Variants in ELMO1 observed in about 807,000 individuals in gnomAD.
ELMO1 encodes engulfment and cell motility 1, also known as engulfment and cell motility protein 1.
In ELMO1, 26 loss-of-function variants were observed where a neutral mutation model predicts 98.9. The observed-to-expected ratio is 0.26, with a 90% CI of 0.19 to 0.36. The LOEUF is 0.36. ELMO1 is among the 10% of genes least tolerant of loss of function. The pLI, the probability that ELMO1 is intolerant of heterozygous loss-of-function variation, is 1.00. For missense variants in ELMO1, 627 were observed against 935.2 expected (o/e 0.67, Z 4.30); for synonymous variants, 346 against 346.0 (o/e 1.00, Z 0.00).
At chr7:37,065,118 C>T (rs903182114) in intron 15 of ELMO1, among the ~76,000 whole-genome samples, 1 of 152,062 alleles carries the variant, frequency 6.6e-6, no homozygotes, top group Non-Finnish European at 1.5e-5. Context: ...TTCTAACACA[C>T]ACCTCCACCT....
chr7:37,410,949 G>C (rs1230712801), intron 1 of ELMO1, among the ~76,000 whole-genome samples: 1 of 152,212 alleles, frequency 6.6e-6, no homozygotes, highest in African/African-American at 2.4e-5. Context: ...TCAGGATAGA[G>C]GAGGAAGAGA....
At chr7:37,021,965 C>T (rs1026465110) in intron 15 of ELMO1, among the ~76,000 whole-genome samples, 1 of 152,056 alleles carries the variant, frequency 6.6e-6, no homozygotes, top group African/African-American at 2.4e-5. Flanking sequence ...TCCAGAGACC[C>T]ATATATACAG....
At chr7:37,389,519 C>T (rs1277153581) in intron 1 of ELMO1, among the ~76,000 whole-genome samples, 1 of 152,166 alleles carries the variant, frequency 6.6e-6, no homozygotes, top group African/African-American at 2.4e-5. Context: ...ATGAAGTTGT[C>T]ACCTGAAATG....
intron 15 of ELMO1, among the ~76,000 whole-genome samples, chr7:37,092,405 G>A (rs1438323781): frequency 9.4e-6 from 1 of 106,558 alleles, no homozygotes; most frequent in Non-Finnish European, 1.8e-5. Flanking sequence ...TGGAGACAGA[G>A]TCTCGCTCTG....
At chr7:37,385,236 C>T (rs1238615366) in intron 1 of ELMO1, among the ~76,000 whole-genome samples, 1 of 152,340 alleles carries the variant, frequency 6.6e-6, no homozygotes, top group South Asian at 2.1e-4. Flanking sequence ...TCAAAACCTT[C>T]GAAGGCACCC....
chr7:37,152,836 T>C (rs902653909), intron 13 of ELMO1, among the ~76,000 whole-genome samples: 5 of 152,272 alleles, frequency 3.3e-5, no homozygotes, highest in African/African-American at 9.6e-5. Flanking sequence ...GATGTGAGCA[T>C]GTTCATGATG....
intron 16 of ELMO1, among the ~76,000 whole-genome samples, chr7:36,908,716 C>A (rs575152254): frequency 1.3e-5 from 2 of 152,148 alleles, no homozygotes; most frequent in Non-Finnish European, 2.9e-5. Flanking sequence ...TGGACCTTAC[C>A]ATGTATCTCA....
chr7:37,025,895 T>TTCTATCTATCTACCTA (rs1554395453), intron 15 of ELMO1, among the ~76,000 whole-genome samples: 5 of 142,920 alleles, frequency 3.5e-5, no homozygotes, highest in African/African-American at 1.3e-4. Context: ...ATATTATATA[T>TTCTATCTATCTACCTA]TCTATCTATC....
At chr7:37,420,143 C>G (rs1205780083) in intron 1 of ELMO1, among the ~76,000 whole-genome samples, 2 of 152,172 alleles carry the variant, frequency 1.3e-5, no homozygotes, top group Non-Finnish European at 2.9e-5. Context: ...CTTGTGCTCT[C>G]AGTACCAATA....
intron 4 of ELMO1, among the ~76,000 whole-genome samples, chr7:37,293,310 G>A (rs1797849751): frequency 7.7e-6 from 1 of 130,076 alleles, no homozygotes; most frequent in African/African-American, 2.6e-5. Flanking sequence ...TGAGAAATCG[G>A]GTGGTTGCCG....
intron 16 of ELMO1, among the ~76,000 whole-genome samples, chr7:36,989,473 C>A (rs986034909): frequency 9.2e-5 from 14 of 152,178 alleles, no homozygotes; most frequent in African/African-American, 3.1e-4. Context: ...CTTACGCACA[C>A]CACAGTTTAG....
rs1187213769 is a variant in ELMO1, at chr7:37,293,077, C to T, written c.193-21195G>A. ...CAGCCCCCTGCCCGGCCAGCCGCCCCGTCCGGGAGGGAGGTGGGGGGGGGT... is the reference window on the plus strand; with the variant it reads ...CAGCCCCCTGCCCGGCCAGCCGCCCTGTCCGGGAGGGAGGTGGGGGGGGGT... On this transcript the variant is annotated intron_variant, in intron 4 of 21. Coordinates refer to ENST00000310758, the MANE Select transcript of ELMO1 (RefSeq NM_014800.11). Among the ~76,000 whole-genome samples the T allele has an allele frequency of 8.7e-5, 2 of 22,926 alleles. 1 individual carries two copies. The highest frequency in any genetic ancestry group is 1.5e-4 in the African/African-American group (2 of 13,514). The allele number at this position is 22,926 out of a possible 152,430, so 15.0% of individuals were successfully genotyped here. A position where few individuals can be genotyped will look rare whatever the true frequency, so the allele number is the denominator to read the frequency against.
At chr7:36,877,959 G>GA (rs780766266) in intron 19 of ELMO1, 51 bp downstream of exon 19, 1 of 1,418,312 alleles carries the variant, frequency 7.1e-7, no homozygotes, top group African/African-American at 1.4e-5. Context: ...TTGTGACTAG[G>GA]AAACAACCAA....
chr7:37,098,704 T>G (rs962234565), intron 14 of ELMO1, among the ~76,000 whole-genome samples: 3 of 152,164 alleles, frequency 2.0e-5, no homozygotes, highest in African/African-American at 7.2e-5. Context: ...AACCAGAAAT[T>G]CCCATTCCAG....
At chr7:36,915,310 T>C (rs1268833026) in intron 16 of ELMO1, among the ~76,000 whole-genome samples, 1 of 152,254 alleles carries the variant, frequency 6.6e-6, no homozygotes, top group African/African-American at 2.4e-5. Flanking sequence ...GTAATTTTTC[T>C]GTCTTGCTCA....
intron 13 of ELMO1, among the ~76,000 whole-genome samples, chr7:37,161,599 T>G (rs76507371): frequency 8.0e-4 from 121 of 152,180 alleles, no homozygotes; most frequent in African/African-American, 2.9e-3. Flanking sequence ...ACAGCCTTTC[T>G]TGTTTTCCAC....
At chr7:37,149,814 T>C (rs576265875) in intron 13 of ELMO1, among the ~76,000 whole-genome samples, 4 of 152,320 alleles carry the variant, frequency 2.6e-5, no homozygotes, top group African/African-American at 9.6e-5. Flanking sequence ...GTTCAAAATC[T>C]TAATTAACAA....
intron 15 of ELMO1, among the ~76,000 whole-genome samples, chr7:37,050,609 AAC>A (rs60918785): frequency 0.06 from 7,742 of 129,434 alleles, 212 homozygotes; most frequent in East Asian, 0.12. Context: ...AGGTGCTCTG[AAC>A]ACACACACAC....
At chr7:37,366,427 CT>C (rs1312063696) in intron 1 of ELMO1, among the ~76,000 whole-genome samples, 1 of 152,170 alleles carries the variant, frequency 6.6e-6, no homozygotes, top group Non-Finnish European at 1.5e-5. Context: ...GCAAATATTG[CT>C]GTATAATCTC....
Sources: allele counts gnomAD v4.1 joint callset (sites outside exome capture counted in the v4.1 genomes callset), GRCh38; gene constraint gnomAD v4.1.1; transcripts MANE v1.5; gene names NCBI Gene and HGNC (gene_info 2026-07-23, HGNC 2026-07-21).